The following PCMT1 variants were observed in gnomAD, a reference collection of about 807,000 sequenced individuals.
The protein encoded by PCMT1 is protein-L-isoaspartate(D-aspartate) O-methyltransferase.
PCMT1 carries 9 observed loss-of-function variants against 29.2 expected under a neutral mutation model. The ratio of observed to expected loss-of-function variants is 0.31; its 90% CI spans 0.19 to 0.54. The LOEUF (loss-of-function observed/expected upper bound fraction) is 0.54, where lower values mean the gene tolerates loss of function less well. Among genes scored for constraint, PCMT1 ranks in the 20% least tolerant of loss-of-function variants. The pLI is 0.95. For synonymous variants in PCMT1, 98 were observed against 97.5 expected (o/e 1.00, Z -0.03); for missense variants, 184 against 282.2 (o/e 0.65, Z 2.49).
chr6:149,774,422 G>GT (rs1787468506), intron 3 of PCMT1, among the ~76,000 whole-genome samples: 2 of 148,530 alleles, frequency 1.3e-5, no homozygotes, highest in African/African-American at 5.0e-5. Context: ...TGTATTTTTA[G>GT]TAGAGACGGG....
intron 1 of PCMT1, among the ~76,000 whole-genome samples, chr6:149,751,663 G>T (rs1786326881): frequency 6.6e-6 from 1 of 152,002 alleles, no homozygotes; most frequent in East Asian, 1.9e-4. Context: ...TGTATTTTTA[G>T]TAGAGAAGGG....
At chr6:149,785,051 A>C (rs1787965931) in intron 3 of PCMT1, among the ~76,000 whole-genome samples, 1 of 151,606 alleles carries the variant, frequency 6.6e-6, no homozygotes, top group African/African-American at 2.4e-5. Context: ...TTAATTTTTA[A>C]AGAAAGACCC....
chr6:149,796,306 C>T, intron 5 of PCMT1, 109 bp from the exon 6 acceptor site: 1 of 596,284 alleles, frequency 1.7e-6, no homozygotes, highest in Non-Finnish European at 3.0e-6. Context: ...GTCCCAGGAT[C>T]ATTTATTGAA....
chr6:149,762,947 CTATGATATGTATATCTATGATATA>C (rs1335009980), intron 1 of PCMT1, among the ~76,000 whole-genome samples: 5 of 40,178 alleles, frequency 1.2e-4, no homozygotes, highest in African/African-American at 4.6e-4. Context: ...ATATATATAT[CTATGATATGTATATCTATGATATA>C]TATGATATAT....
chr6:149,780,123 G>A (rs1252328380), intron 3 of PCMT1, among the ~76,000 whole-genome samples: 2 of 152,018 alleles, frequency 1.3e-5, no homozygotes, highest in Non-Finnish European at 2.9e-5. Flanking sequence ...AGGATCACTT[G>A]AGCCCAGGAG....
intron 3 of PCMT1, among the ~76,000 whole-genome samples, chr6:149,785,363 T>A (rs568679277): frequency 2.2e-3 from 330 of 148,702 alleles, no homozygotes; most frequent in Middle Eastern, 3.6e-3. Flanking sequence ...TTCTTTTTTT[T>A]TTTTTTTTTA....
chr6:149,758,200 C>CTTTTTTTTTTTT, intron 1 of PCMT1, among the ~76,000 whole-genome samples: 1 of 67,866 alleles, frequency 1.5e-5, no homozygotes, highest in Non-Finnish European at 2.7e-5. Flanking sequence ...TTTTTTCTTT[C>CTTTTTTTTTTTT]TTTCTTTCTT....
intron 1 of PCMT1, among the ~76,000 whole-genome samples, chr6:149,767,528 C>T (rs1249547670): frequency 6.6e-6 from 1 of 152,082 alleles, no homozygotes; most frequent in Non-Finnish European, 1.5e-5. Context: ...TCAGGGCATA[C>T]TGCAGCCTTG....
At position 149,771,225 on chromosome 6, in the gene PCMT1, A is replaced by G. The variant is rs1787308230; in HGVS notation, c.119A>G (p.Tyr40Cys). The G allele has an allele frequency of 1.2e-6, 2 of 1,611,826 alleles. No individual in the cohort carries two copies. The highest frequency in any genetic ancestry group is 1.7e-6 in the Non-Finnish European group (2 of 1,178,054). Residue 40 changes from tyrosine to cysteine, a missense_variant, in exon 2 of 8, where the codon TAT becomes TGT. Transcript: ENST00000464889. Reference sequence around the variant, plus strand: ...ATGCTGGCTACAGACCGCTCCCACTATGCAAAATGTAACCCATACATGGAT... The same window carrying G: ...ATGCTGGCTACAGACCGCTCCCACTGTGCAAAATGTAACCCATACATGGAT... ...EVMLATDRSH[Y>C]AKCNPYMDSP...
At chr6:149,773,757 G>A (rs893024796) in intron 3 of PCMT1, among the ~76,000 whole-genome samples, 1 of 152,052 alleles carries the variant, frequency 6.6e-6, no homozygotes, top group Admixed American at 6.6e-5. Flanking sequence ...TGTAAAAATT[G>A]AACATAAAAG....
At chr6:149,810,030 C>G (rs2115356849) in intron 7 of PCMT1, 1 of 152,332 alleles carries the variant, frequency 6.6e-6, no homozygotes, top group Admixed American at 6.5e-5. Flanking sequence ...TCCTTCCTTC[C>G]TCTCACTGGC....
chr6:149,795,419 GA>G, intron 5 of PCMT1: 1 of 404,560 alleles, frequency 2.5e-6, no homozygotes, highest in East Asian at 6.4e-5. Flanking sequence ...GAATGCAAAA[GA>G]AGGAGCTCTG....
At chr6:149,758,208 C>CTTTCTTTTTTTTT (rs1554251094) in intron 1 of PCMT1, among the ~76,000 whole-genome samples, 13 of 73,904 alleles carry the variant, frequency 1.8e-4, no homozygotes, top group African/African-American at 3.2e-4. Context: ...TTCTTTCTTT[C>CTTTCTTTTTTTTT]TTTTTTTTTT....
chr6:149,780,511 C>A (rs1787771693), intron 3 of PCMT1, among the ~76,000 whole-genome samples: 1 of 152,110 alleles, frequency 6.6e-6, no homozygotes, highest in African/African-American at 2.4e-5. Context: ...CAGTCAGATC[C>A]CAACCCCTGC....
intron 1 of PCMT1, among the ~76,000 whole-genome samples, chr6:149,763,964 CAG>C (rs1370681396): frequency 6.6e-6 from 1 of 152,100 alleles, no homozygotes; most frequent in African/African-American, 2.4e-5. Flanking sequence ...GTCTAATAAT[CAG>C]AGTGGTCTGA....
rs189142766 is a variant in PCMT1 at position 149,755,084 on chromosome 6, A to C, written c.55+5128A>C. On this transcript the variant is annotated intron_variant, in intron 1 of 7. Transcript: ENST00000464889. The stretch of plus-strand genomic sequence containing the variant: ...ACTTACAAGTTTTTTACTTTACTGG[A>C]TGTAAACCTGTCATAATAAACCTGT... 2.2e-5 allele frequency among the ~76,000 whole-genome samples: 3 copies of C among 134,742 alleles called. No individual in the cohort carries two copies. In the East Asian group the frequency reaches 8.8e-4, roughly 40 times the overall value. The allele number at this position is 134,742 out of a possible 152,430, so 88.4% of individuals were successfully genotyped here. A position where few individuals can be genotyped will look rare whatever the true frequency, so the allele number is the denominator to read the frequency against.
intron 1 of PCMT1, chr6:149,765,664 AT>A: frequency 5.4e-6 from 2 of 371,834 alleles, no homozygotes; most frequent in African/African-American, 2.2e-5. Context: ...TTTATTTTTT[AT>A]TTTTTATTTT....
At chr6:149,771,372 T>G in intron 2 of PCMT1, 106 bp downstream of exon 2, 1 of 579,566 alleles carries the variant, frequency 1.7e-6, no homozygotes, top group Non-Finnish European at 2.9e-6. Context: ...ATTACCTTCT[T>G]AATTTGAATT....
In PCMT1 at chr6:149,763,151, G is replaced by GAT. The variant is rs551509862; in HGVS notation, c.56-8004_56-8003dup. Reference sequence around the variant, plus strand: ...TGATATATATGATATATATATCTATGATATATATCTATGATATCTATGATA... The same window carrying GAT: ...TGATATATATGATATATATATCTATGATATATATATCTATGATATCTATGATA... On this transcript the variant is annotated intron_variant, in intron 1 of 7. Transcript: ENST00000464889. Among the ~76,000 whole-genome samples the GAT allele has an allele frequency of 5.8e-4, 27 of 46,750 alleles. 11 individuals are homozygous for GAT. The African/African-American group carries it at 7.5e-3, about 13-fold the overall frequency. 30.7% of individuals were successfully genotyped at this position (46,750 alleles called of 152,430 possible). A position where few individuals can be genotyped will look rare whatever the true frequency, so the allele number is the denominator to read the frequency against.
Sources: allele counts gnomAD v4.1 joint callset (sites outside exome capture counted in the v4.1 genomes callset), GRCh38; gene constraint gnomAD v4.1.1; transcripts MANE v1.5; gene names NCBI Gene and HGNC (gene_info 2026-07-23, HGNC 2026-07-21).